Variants in ANKRD13C observed in about 807,000 individuals in gnomAD.
The protein encoded by ANKRD13C is ankyrin repeat domain-containing protein 13C.
Under a neutral mutation model 65.5 loss-of-function variants are expected in ANKRD13C, and 16 were observed. That is an observed-to-expected ratio of 0.24 (90% CI 0.17 to 0.37). ANKRD13C has a LOEUF of 0.37. Among genes scored for constraint, ANKRD13C ranks in the 10% least tolerant of loss-of-function variants. ANKRD13C has a pLI of 1.00. For synonymous variants in ANKRD13C, 235 were observed against 238.7 expected (o/e 0.98, Z 0.14); for missense variants, 503 against 655.9 (o/e 0.77, Z 2.55).
At chr1:70,335,274 C>T (rs951108283) in intron 2 of ANKRD13C, among the ~76,000 whole-genome samples, 1 of 151,442 alleles carries the variant, frequency 6.6e-6, no homozygotes, top group Admixed American at 6.6e-5. Flanking sequence ...GGCGTGGTGG[C>T]ATGAGCCTGT....
chr1:70,339,461 G>T (rs566735593), intron 1 of ANKRD13C, among the ~76,000 whole-genome samples: 117 of 151,468 alleles, frequency 7.7e-4, no homozygotes, highest in Non-Finnish European at 1.4e-3. Flanking sequence ...TGGGATTACA[G>T]GTGCCCACCA....
At chr1:70,287,705 A>G (rs1424813716) in intron 9 of ANKRD13C, among the ~76,000 whole-genome samples, 1 of 152,122 alleles carries the variant, frequency 6.6e-6, no homozygotes, top group Non-Finnish European at 1.5e-5. Context: ...ATTAACATCT[A>G]GAAAATATAA....
chr1:70,263,607 G>A (rs1678479322), intron 12 of ANKRD13C, among the ~76,000 whole-genome samples: 1 of 152,120 alleles, frequency 6.6e-6, no homozygotes, highest in Admixed American at 6.5e-5. Context: ...TTACTCATGA[G>A]CCTCAGGGAT....
intron 5 of ANKRD13C, among the ~76,000 whole-genome samples, chr1:70,309,068 AGTGTC>A (rs536783418): frequency 1.4e-5 from 2 of 147,432 alleles, no homozygotes; most frequent in East Asian, 4.1e-4. Flanking sequence ...TTTTAGACAG[AGTGTC>A]GCTCTGTCAC....
intron 1 of ANKRD13C, among the ~76,000 whole-genome samples, chr1:70,352,068 G>T (rs559266277): frequency 1.3e-5 from 2 of 152,268 alleles, no homozygotes; most frequent in Admixed American, 6.5e-5. Context: ...GGCCAGGCGC[G>T]GTGGCTCAGG....
chr1:70,320,253 G>C (rs977018868), intron 3 of ANKRD13C, among the ~76,000 whole-genome samples: 1 of 152,048 alleles, frequency 6.6e-6, no homozygotes, highest in Non-Finnish European at 1.5e-5. Flanking sequence ...CAGAACAGGA[G>C]GTTTTAAAGA....
At chr1:70,277,535 G>A (rs139814134) in intron 9 of ANKRD13C, among the ~76,000 whole-genome samples, 61 of 150,264 alleles carry the variant, frequency 4.1e-4, no homozygotes, top group African/African-American at 1.2e-3. Context: ...GACATGAACA[G>A]TTAACCAGAA....
intron 5 of ANKRD13C, among the ~76,000 whole-genome samples, chr1:70,309,732 A>AAAAAAAAAT (rs1553248051): frequency 9.3e-6 from 1 of 107,100 alleles, no homozygotes; most frequent in East Asian, 2.8e-4. Context: ...AAAAAAAAAA[A>AAAAAAAAAT]AATAATAATA....
intron 9 of ANKRD13C, among the ~76,000 whole-genome samples, chr1:70,279,758 C>T (rs767575293): frequency 6.6e-6 from 1 of 152,136 alleles, no homozygotes; most frequent in Non-Finnish European, 1.5e-5. Flanking sequence ...CCAACTCAGC[C>T]TCCCAAAGTG....
intron 8 of ANKRD13C, among the ~76,000 whole-genome samples, chr1:70,294,992 C>T (rs1413666304): frequency 6.6e-6 from 1 of 152,058 alleles, no homozygotes; most frequent in Admixed American, 6.6e-5. Flanking sequence ...CTCCTCTCTC[C>T]CCCTTACTCT....
At chr1:70,314,215 G>GAAA (rs201305373) in intron 4 of ANKRD13C, among the ~76,000 whole-genome samples, 71 of 150,386 alleles carry the variant, frequency 4.7e-4, no homozygotes, top group African/African-American at 1.6e-3. Flanking sequence ...TAATATCTAT[G>GAAA]AAAAAAAAAT....
intron 9 of ANKRD13C, among the ~76,000 whole-genome samples, chr1:70,281,262 T>TC (rs1423004304): frequency 2.6e-5 from 4 of 152,104 alleles, no homozygotes; most frequent in Non-Finnish European, 5.9e-5. Flanking sequence ...GCTAGTTGTC[T>TC]CCCCAGTATC....
intron 9 of ANKRD13C, among the ~76,000 whole-genome samples, chr1:70,285,130 C>G (rs1383822916): frequency 6.8e-6 from 1 of 147,052 alleles, no homozygotes; most frequent in Non-Finnish European, 1.5e-5. Context: ...TTGATTTGTT[C>G]TTATATTGTC....
chr1:70,271,250 T>A (rs1678865719), intron 11 of ANKRD13C, among the ~76,000 whole-genome samples: 1 of 152,214 alleles, frequency 6.6e-6, no homozygotes, highest in African/African-American at 2.4e-5. Flanking sequence ...ATTTATTGTG[T>A]GTGTAAAAGG....
intron 9 of ANKRD13C, among the ~76,000 whole-genome samples, chr1:70,286,469 T>A (rs55813444): frequency 1.7e-3 from 256 of 152,100 alleles, no homozygotes; most frequent in Middle Eastern, 0.01. Context: ...AATTTTTTTT[T>A]AAAAAATTAA....
At chr1:70,323,538 G>A (rs1681404166) in intron 3 of ANKRD13C, among the ~76,000 whole-genome samples, 1 of 151,752 alleles carries the variant, frequency 6.6e-6, no homozygotes, top group African/African-American at 2.4e-5. Flanking sequence ...AGCTACTTGG[G>A]AGGCTGAGGC....
chr1:70,266,941 A>G (rs1022962228), intron 12 of ANKRD13C, among the ~76,000 whole-genome samples: 3 of 152,196 alleles, frequency 2.0e-5, no homozygotes, highest in Admixed American at 6.5e-5. Context: ...ATAAATGCCA[A>G]TTAAATCCTT....
intron 9 of ANKRD13C, among the ~76,000 whole-genome samples, chr1:70,278,398 C>G (rs1055043223): frequency 2.0e-5 from 3 of 151,372 alleles, no homozygotes; most frequent in African/African-American, 7.3e-5. Context: ...GAAGCTGAGG[C>G]AGGAGAATCA....
At chr1:70,301,694 T>C (rs1680362680) in intron 6 of ANKRD13C, among the ~76,000 whole-genome samples, 1 of 152,216 alleles carries the variant, frequency 6.6e-6, no homozygotes, top group South Asian at 2.1e-4. Context: ...ACTGTTCTCT[T>C]TGGTAACCTG....
Sources: gnomAD v4.1 joint callset for allele counts (sites outside exome capture counted in the v4.1 genomes callset) on GRCh38, gnomAD v4.1.1 for gene constraint, MANE v1.5 for transcripts, NCBI Gene and HGNC (gene_info 2026-07-23, HGNC 2026-07-21) for gene names.